The following LGSN variants were observed in gnomAD, a reference collection of about 807,000 sequenced individuals.
LGSN encodes the protein lengsin, lens protein with glutamine synthetase domain, also known as lengsin.
A neutral mutation model predicts 19.5 loss-of-function variants in LGSN; 21 were observed. The ratio of observed to expected loss-of-function variants is 1.07; its 90% confidence interval spans 0.76 to 1.55. The LOEUF (loss-of-function observed/expected upper bound fraction) is 1.55. Among genes scored for constraint, LGSN ranks in the 40% most tolerant of loss-of-function variants. The pLI is 0.00. For synonymous variants in LGSN, 257 were observed against 215.6 expected (o/e 1.19, Z -1.68); for missense variants, 673 against 608.5 (o/e 1.11, Z -1.12).
the LGSN span, among the ~76,000 whole-genome samples, chr6:63,416,319 C>T: frequency 6.6e-6 from 1 of 152,130 alleles, no homozygotes; most frequent in African/African-American, 2.4e-5. Context: ...TCCAAGGAAA[C>T]ATCAGATGGC....
chr6:63,379,006 C>T, the LGSN span, among the ~76,000 whole-genome samples: 1 of 152,168 alleles, frequency 6.6e-6, no homozygotes, highest in African/African-American at 2.4e-5. Context: ...AGGGTTTCCT[C>T]CCCTATTACT....
At chr6:63,409,892 C>T in the LGSN span, among the ~76,000 whole-genome samples, 11 of 152,038 alleles carry the variant, frequency 7.2e-5, no homozygotes, top group African/African-American at 2.4e-4. Flanking sequence ...AAAAATTAGC[C>T]GGGCATGGTG....
At chr6:63,418,171 A>G in the LGSN span, among the ~76,000 whole-genome samples, 1 of 152,166 alleles carries the variant, frequency 6.6e-6, no homozygotes, top group African/African-American at 2.4e-5. Flanking sequence ...TTAAATTTTA[A>G]AAATGCAAAG....
At position 63,280,614 on chromosome 6, in the gene LGSN, T is replaced by C. The variant is rs757593754; in HGVS notation, c.937A>G (p.Ile313Val). Residue 313 changes from isoleucine to valine, a missense_variant, in exon 4 of 4, where the codon ATT becomes GTT. By Grantham distance (29) the Ile-to-Val change is conservative. Transcript: ENST00000370657. The part of the protein sequence containing the change: ...FIETGFCDSG[I>V]LSHSLWDVDR... Reference sequence around the variant, plus strand: ...ACATCCCAGAGACTATGAGACAAAATCCCTGAATCACAAAATCCAGTCTCA... The same window carrying C: ...ACATCCCAGAGACTATGAGACAAAACCCCTGAATCACAAAATCCAGTCTCA... 6.8e-6 allele frequency: 11 copies of C among 1,614,028 alleles called. No individual in the cohort carries two copies. The highest frequency in any genetic ancestry group is 9.3e-6 in the Non-Finnish European group (11 of 1,180,034).
chr6:63,415,675 A>G, the LGSN span, among the ~76,000 whole-genome samples: 15 of 152,376 alleles, frequency 9.8e-5, no homozygotes, highest in Admixed American at 8.5e-4. Context: ...GAGTGGGGAC[A>G]GAAAGCCTAA....
At chr6:63,389,056 G>A in the LGSN span, among the ~76,000 whole-genome samples, 1 of 152,150 alleles carries the variant, frequency 6.6e-6, no homozygotes, top group Non-Finnish European at 1.5e-5. Flanking sequence ...GAAGAAAAGA[G>A]CTAACCCTTA....
the LGSN span, among the ~76,000 whole-genome samples, chr6:63,526,803 G>GTATCTATATATATATATATATA: frequency 9.9e-6 from 1 of 101,448 alleles, no homozygotes; most frequent in Non-Finnish European, 1.9e-5. Flanking sequence ...TCTCAAAAAT[G>GTATCTATATATATATATATATA]TATATATATA....
chr6:63,349,117 G>T, the LGSN span, among the ~76,000 whole-genome samples: 1 of 152,350 alleles, frequency 6.6e-6, no homozygotes, highest in African/African-American at 2.4e-5. Flanking sequence ...GAAAGGAAGA[G>T]AAACAGGAGT....
chr6:63,483,563 T>C, the LGSN span, among the ~76,000 whole-genome samples: 1 of 151,932 alleles, frequency 6.6e-6, no homozygotes, highest in Non-Finnish European at 1.5e-5. Flanking sequence ...AGAGATGGGG[T>C]TTCACCATGT....
chr6:63,351,839 T>C, the LGSN span, among the ~76,000 whole-genome samples: 3 of 152,214 alleles, frequency 2.0e-5, no homozygotes, highest in Admixed American at 6.5e-5. Context: ...TGGAGACTAA[T>C]AATTTTTTAA....
the LGSN span, among the ~76,000 whole-genome samples, chr6:63,388,040 G>GTTTT: frequency 7.7e-6 from 1 of 129,422 alleles, no homozygotes. Flanking sequence ...TAATTTTTTT[G>GTTTT]TTTTTTTTTT....
the LGSN span, among the ~76,000 whole-genome samples, chr6:63,334,047 C>G: frequency 6.6e-6 from 1 of 152,176 alleles, no homozygotes; most frequent in African/African-American, 2.4e-5. Flanking sequence ...AATGCCTTTT[C>G]TCTAAGAACT....
the LGSN span, among the ~76,000 whole-genome samples, chr6:63,372,568 T>C: frequency 6.6e-6 from 1 of 152,218 alleles, no homozygotes; most frequent in Admixed American, 6.5e-5. Context: ...TTCAGAGTTT[T>C]GACTAGGGCT....
chr6:63,394,011 T>C, the LGSN span, among the ~76,000 whole-genome samples: 1 of 152,176 alleles, frequency 6.6e-6, no homozygotes, highest in Non-Finnish European at 1.5e-5. Flanking sequence ...CTCACACCTG[T>C]AATCCCAGCA....
chr6:63,342,805 A>G, the LGSN span, among the ~76,000 whole-genome samples: 3 of 152,222 alleles, frequency 2.0e-5, no homozygotes, highest in Admixed American at 1.3e-4. Flanking sequence ...AAGGCTTTCA[A>G]ATTCTGGCCC....
chr6:63,357,113 A>C, the LGSN span, among the ~76,000 whole-genome samples: 1 of 151,840 alleles, frequency 6.6e-6, no homozygotes, highest in African/African-American at 2.4e-5. Context: ...TAGTTTGCTG[A>C]GAATGCTGGT....
the LGSN span, among the ~76,000 whole-genome samples, chr6:63,404,008 C>T: frequency 1.3e-5 from 2 of 152,000 alleles, no homozygotes; most frequent in South Asian, 2.1e-4. Flanking sequence ...AAGCAAGCCG[C>T]CATGAGTCCT....
chr6:63,453,800 C>T, the LGSN span, among the ~76,000 whole-genome samples: 8 of 152,048 alleles, frequency 5.3e-5, no homozygotes, highest in Admixed American at 5.3e-4. Context: ...ACTACAGGCG[C>T]CCGCCACCAC....
At chr6:63,368,475 T>C in the LGSN span, among the ~76,000 whole-genome samples, 1 of 152,160 alleles carries the variant, frequency 6.6e-6, no homozygotes, top group Non-Finnish European at 1.5e-5. Flanking sequence ...CACTTGCTGC[T>C]CTCCTCTAGA....
Sources: allele counts gnomAD v4.1 joint callset (sites outside exome capture counted in the v4.1 genomes callset), GRCh38; gene constraint gnomAD v4.1.1; transcripts MANE v1.5; gene names NCBI Gene and HGNC (gene_info 2026-07-23, HGNC 2026-07-21).